The following SHANK2 variants were observed in gnomAD, a reference collection of about 807,000 sequenced individuals.
SHANK2 encodes the protein SH3 and multiple ankyrin repeat domains protein 2.
Under a neutral mutation model 133.7 loss-of-function variants are expected in SHANK2, and 43 were observed. The ratio of observed to expected loss-of-function variants is 0.32; its 90% confidence interval spans 0.25 to 0.41. SHANK2 has a LOEUF of 0.41. Ranked by LOEUF, SHANK2 falls within the 10% of genes least tolerant of loss-of-function variation. SHANK2 has a pLI of 1.00. For missense variants in SHANK2, 1,994 were observed against 2,235.8 expected (o/e 0.89, Z 2.18); for synonymous variants, 1,017 against 952.8 (o/e 1.07, Z -1.24).
chr11:70,698,189 T>C, intron 15 of SHANK2: 1 of 181,008 alleles, frequency 5.5e-6, no homozygotes, highest in Non-Finnish European at 1.2e-5. Flanking sequence ...TCAGACGAAC[T>C]CAAACCTGCT....
chr11:70,632,900 G>A (rs1415169605), intron 17 of SHANK2, among the ~76,000 whole-genome samples: 3 of 152,144 alleles, frequency 2.0e-5, no homozygotes, highest in Admixed American at 1.3e-4. Flanking sequence ...TTGGGAAGCT[G>A]GGTCTCTGAG....
At chr11:70,848,415 C>A (rs756728151) in intron 11 of SHANK2, among the ~76,000 whole-genome samples, 2 of 152,166 alleles carry the variant, frequency 1.3e-5, no homozygotes, top group Non-Finnish European at 2.9e-5. Flanking sequence ...GTGAGCTCCA[C>A]GGGACCCTGG....
chr11:71,146,859 G>A (rs1459689814), intron 3 of SHANK2, among the ~76,000 whole-genome samples: 1 of 152,194 alleles, frequency 6.6e-6, no homozygotes, highest in Admixed American at 6.5e-5. Context: ...GCACACAGTA[G>A]GTGCCCAGTC....
chr11:70,734,117 GCAT>G (rs1946348161), intron 14 of SHANK2, among the ~76,000 whole-genome samples: 1 of 152,152 alleles, frequency 6.6e-6, no homozygotes, highest in Non-Finnish European at 1.5e-5. Flanking sequence ...CCTGAGCCGC[GCAT>G]CTGGGAGGAG....
rs546536754 is a variant in SHANK2, at chr11:70,694,401, G to A, written c.1853+4287C>T. Among the ~76,000 whole-genome samples the A allele has an allele frequency of 1.4e-4, 21 of 152,318 alleles. No individual in the cohort carries two copies. In the South Asian group the frequency reaches 4.4e-3, roughly 32 times the overall value. On this transcript the variant is annotated intron_variant, in intron 15 of 25. Transcript: ENST00000601538. Reference sequence around the variant, plus strand: ...TTTTGACATAAGAGGAGGTTGGAAGGGGAGAAACCTCCTGACTGATTCAGA... The same window carrying A: ...TTTTGACATAAGAGGAGGTTGGAAGAGGAGAAACCTCCTGACTGATTCAGA...
chr11:70,703,299 T>C (rs782366018), intron 14 of SHANK2, among the ~76,000 whole-genome samples: 40 of 152,322 alleles, frequency 2.6e-4, no homozygotes, highest in South Asian at 1.7e-3. Flanking sequence ...GCAGAGCCCA[T>C]TGTGGTGCAG....
At chr11:70,650,642 G>T (rs2061329023) in intron 17 of SHANK2, among the ~76,000 whole-genome samples, 1 of 152,198 alleles carries the variant, frequency 6.6e-6, no homozygotes, top group African/African-American at 2.4e-5. Context: ...CATAGCATCT[G>T]ATCACTCCCC....
intron 17 of SHANK2, among the ~76,000 whole-genome samples, chr11:70,550,924 C>T (rs887243187): frequency 1.3e-5 from 2 of 152,184 alleles, no homozygotes; most frequent in Non-Finnish European, 2.9e-5. Flanking sequence ...CTTGTCTAGC[C>T]TCATGAGCAG....
At chr11:71,161,006 A>G (rs1953003531) in intron 2 of SHANK2, among the ~76,000 whole-genome samples, 1 of 152,254 alleles carries the variant, frequency 6.6e-6, no homozygotes, top group Non-Finnish European at 1.5e-5. Flanking sequence ...TTAACCAGAA[A>G]TAAAATTCTA....
At chr11:71,070,669 C>T (rs1951131215) in intron 9 of SHANK2, among the ~76,000 whole-genome samples, 1 of 152,254 alleles carries the variant, frequency 6.6e-6, no homozygotes, top group Non-Finnish European at 1.5e-5. Flanking sequence ...CAAATCAGCC[C>T]ACTCCCTGTT....
At chr11:70,914,717 T>TAAAATAAAATAAAATAAAATA (rs1489678395) in intron 10 of SHANK2, among the ~76,000 whole-genome samples, 3 of 145,478 alleles carry the variant, frequency 2.1e-5, no homozygotes, top group Admixed American at 6.8e-5. Flanking sequence ...TAAAATAAAA[T>TAAAATAAAATAAAATAAAATA]AAAACAAAAC....
At chr11:70,627,619 G>C (rs1269733589) in intron 17 of SHANK2, among the ~76,000 whole-genome samples, 1 of 152,196 alleles carries the variant, frequency 6.6e-6, no homozygotes, top group East Asian at 1.9e-4. Flanking sequence ...TGGAATATTT[G>C]CATGTACATT....
intron 14 of SHANK2, among the ~76,000 whole-genome samples, chr11:70,757,793 T>A (rs1181755107): frequency 6.6e-6 from 1 of 152,128 alleles, no homozygotes; most frequent in East Asian, 1.9e-4. Context: ...GACCCCAGAA[T>A]GTGTGGGTGG....
intron 17 of SHANK2, among the ~76,000 whole-genome samples, chr11:70,621,575 G>A (rs2136455645): frequency 6.6e-6 from 1 of 152,334 alleles, no homozygotes; most frequent in African/African-American, 2.4e-5. Context: ...AAGGAAGGAA[G>A]GAGAGAGGGG....
intron 17 of SHANK2, among the ~76,000 whole-genome samples, chr11:70,641,378 C>A (rs556597580): frequency 6.6e-6 from 1 of 152,274 alleles, no homozygotes; most frequent in South Asian, 2.1e-4. Flanking sequence ...CAGGCATAAG[C>A]CACTGCGCCT....
At chr11:70,690,479 A>T (rs1337974828) in intron 15 of SHANK2, among the ~76,000 whole-genome samples, 1 of 119,986 alleles carries the variant, frequency 8.3e-6, no homozygotes, top group Non-Finnish European at 1.6e-5. Flanking sequence ...ATAATGTAAT[A>T]CTTCCCATGT....
At chr11:71,198,288 T>C (rs1953949285) in intron 2 of SHANK2, among the ~76,000 whole-genome samples, 2 of 152,136 alleles carry the variant, frequency 1.3e-5, no homozygotes, top group Non-Finnish European at 2.9e-5. Flanking sequence ...TGGCTGGTGC[T>C]GGGGCCTCCT....
chr11:70,659,981 A>G, intron 16 of SHANK2, 29 bp from the exon 17 acceptor site: 1 of 1,614,120 alleles, frequency 6.2e-7, no homozygotes, highest in Non-Finnish European at 8.5e-7. Flanking sequence ...CCTGGTTACA[A>G]GCCTGGGAGA....
chr11:70,933,320 T>G (rs1555082855), intron 10 of SHANK2: 1 of 454,718 alleles, frequency 2.2e-6, no homozygotes, highest in East Asian at 6.9e-5. Flanking sequence ...AGTTCTGAGA[T>G]TCATAGAGAT....
Sources: gnomAD v4.1 joint callset for allele counts (sites outside exome capture counted in the v4.1 genomes callset) on GRCh38, gnomAD v4.1.1 for gene constraint, MANE v1.5 for transcripts, NCBI Gene and HGNC (gene_info 2026-07-23, HGNC 2026-07-21) for gene names.